Variants in KCNIP4 observed in about 807,000 individuals in gnomAD.
KCNIP4 encodes the protein Kv channel-interacting protein 4.
Under a neutral mutation model 34.0 loss-of-function variants are expected in KCNIP4, and 12 were observed. The ratio of observed to expected loss-of-function variants is 0.35; its 90% confidence interval spans 0.23 to 0.57. KCNIP4 has a LOEUF of 0.57. Ranked by LOEUF, KCNIP4 falls within the 20% of genes least tolerant of loss-of-function variation. KCNIP4 has a pLI of 0.83. For missense variants in KCNIP4, 238 were observed against 311.7 expected (o/e 0.76, Z 1.78); for synonymous variants, 124 against 102.2 (o/e 1.21, Z -1.29).
chr4:21,541,817 T>C (rs1262192484), intron 1 of KCNIP4, among the ~76,000 whole-genome samples: 2 of 151,722 alleles, frequency 1.3e-5, no homozygotes, highest in Non-Finnish European at 2.9e-5. Flanking sequence ...ACTTTTAAAA[T>C]TTTTTTGTAG....
chr4:20,888,811 A>G (rs2149533032), intron 1 of KCNIP4, among the ~76,000 whole-genome samples: 1 of 152,256 alleles, frequency 6.6e-6, no homozygotes, highest in East Asian at 1.9e-4. Context: ...CAGCTGTCAT[A>G]AATTACATAT....
chr4:20,969,899 A>T (rs1734754140), intron 1 of KCNIP4, among the ~76,000 whole-genome samples: 1 of 152,006 alleles, frequency 6.6e-6, no homozygotes, highest in Non-Finnish European at 1.5e-5. Flanking sequence ...GATCAGATAT[A>T]CATGGAGAAA....
At chr4:21,209,228 G>A (rs1472870733) in intron 1 of KCNIP4, among the ~76,000 whole-genome samples, 2 of 152,004 alleles carry the variant, frequency 1.3e-5, no homozygotes, top group African/African-American at 4.8e-5. Flanking sequence ...TAACATATCC[G>A]TCATCTTAAA....
chr4:21,425,069 G>A (rs183762089), intron 1 of KCNIP4, among the ~76,000 whole-genome samples: 17 of 152,278 alleles, frequency 1.1e-4, no homozygotes, highest in Admixed American at 4.6e-4. Flanking sequence ...CATTGGAGAG[G>A]AGAGGAGAAA....
intron 1 of KCNIP4, among the ~76,000 whole-genome samples, chr4:20,920,964 G>T (rs10428482): frequency 0.54 from 82,362 of 151,792 alleles, 22,868 homozygotes; most frequent in East Asian, 0.81. Context: ...CTCAAGCCTG[G>T]CCACAGAGTG....
At chr4:20,793,897 C>T (rs1713103024) in intron 3 of KCNIP4, among the ~76,000 whole-genome samples, 1 of 151,956 alleles carries the variant, frequency 6.6e-6, no homozygotes, top group African/African-American at 2.4e-5. Flanking sequence ...TCATCTTGAA[C>T]TGTAACTCCC....
intron 1 of KCNIP4, among the ~76,000 whole-genome samples, chr4:21,815,917 A>G (rs539253398): frequency 1.1e-4 from 16 of 152,250 alleles, no homozygotes; most frequent in African/African-American, 3.6e-4. Flanking sequence ...GGGTTTTTCC[A>G]TATGTATAAA....
At chr4:21,315,713 C>T (rs896338935) in intron 1 of KCNIP4, among the ~76,000 whole-genome samples, 29 of 152,234 alleles carry the variant, frequency 1.9e-4, no homozygotes, top group Admixed American at 1.8e-3. Flanking sequence ...AATCTAGGGC[C>T]ATGTCTGATT....
intron 1 of KCNIP4, among the ~76,000 whole-genome samples, chr4:21,395,391 C>T (rs934111977): frequency 2.6e-5 from 4 of 152,040 alleles, no homozygotes; most frequent in African/African-American, 9.7e-5. Context: ...TTTGTCTTTC[C>T]TAAATAAACC....
chr4:21,041,285 T>C (rs573764127), intron 1 of KCNIP4, among the ~76,000 whole-genome samples: 37 of 150,838 alleles, frequency 2.5e-4, no homozygotes, highest in Middle Eastern at 3.5e-3. Flanking sequence ...AATAGTTTCA[T>C]TGGGGCTTCT....
At chr4:21,200,380 G>T (rs56358418) in intron 1 of KCNIP4, among the ~76,000 whole-genome samples, 1 of 52,420 alleles carries the variant, frequency 1.9e-5, no homozygotes, top group Admixed American at 1.6e-4. Flanking sequence ...ACATATATGT[G>T]TGTATATATA....
chr4:21,087,748 T>C (rs1274532185), intron 1 of KCNIP4, among the ~76,000 whole-genome samples: 1 of 152,168 alleles, frequency 6.6e-6, no homozygotes, highest in Non-Finnish European at 1.5e-5. Flanking sequence ...TCTGTTATCA[T>C]ACATATCTGT....
chr4:21,215,901 C>T (rs1051144051), intron 1 of KCNIP4, among the ~76,000 whole-genome samples: 2 of 152,128 alleles, frequency 1.3e-5, no homozygotes, highest in Admixed American at 1.3e-4. Context: ...ACTGCAGCCT[C>T]AACCTCCTAG....
chr4:21,730,972 G>C (rs1302341357), intron 1 of KCNIP4, among the ~76,000 whole-genome samples: 2 of 151,994 alleles, frequency 1.3e-5, no homozygotes, highest in African/African-American at 2.4e-5. Flanking sequence ...AAATTAGCCA[G>C]ACGTGGTGGT....
intron 1 of KCNIP4, among the ~76,000 whole-genome samples, chr4:21,176,693 T>G (rs1422999363): frequency 6.6e-6 from 1 of 152,128 alleles, no homozygotes; most frequent in Non-Finnish European, 1.5e-5. Context: ...AGCTAATTTT[T>G]CCTATTTAGT....
chr4:21,103,377 A>G (rs1000363281), intron 1 of KCNIP4, among the ~76,000 whole-genome samples: 1 of 147,042 alleles, frequency 6.8e-6, no homozygotes, highest in African/African-American at 2.5e-5. Context: ...TAAGATATAT[A>G]TATTTTATAT....
intron 1 of KCNIP4, among the ~76,000 whole-genome samples, chr4:21,527,223 T>C (rs1475069012): frequency 1.3e-5 from 2 of 152,178 alleles, no homozygotes; most frequent in Non-Finnish European, 2.9e-5. Context: ...GTTGATTATA[T>C]TAAACATAAA....
At chr4:21,857,773 A>G (rs1560766710) in intron 1 of KCNIP4, among the ~76,000 whole-genome samples, 1 of 152,176 alleles carries the variant, frequency 6.6e-6, no homozygotes, top group Non-Finnish European at 1.5e-5. Flanking sequence ...GGGCTGAAAG[A>G]GCTGTAACAC....
At chr4:21,112,144 A>G (rs536379452) in intron 1 of KCNIP4, among the ~76,000 whole-genome samples, 29 of 152,116 alleles carry the variant, frequency 1.9e-4, no homozygotes, top group African/African-American at 7.0e-4. Context: ...GATCATAGTC[A>G]AGTTTAAGAT....
Sources: allele counts gnomAD v4.1 joint callset (sites outside exome capture counted in the v4.1 genomes callset), GRCh38; gene constraint gnomAD v4.1.1; transcripts MANE v1.5; gene names NCBI Gene and HGNC (gene_info 2026-07-23, HGNC 2026-07-21).